The following SYNPR variants were observed in gnomAD, a reference collection of about 807,000 sequenced individuals.
SYNPR encodes synaptoporin.
SYNPR carries 23 observed loss-of-function variants against 32.9 expected under a neutral mutation model. The observed-to-expected ratio is 0.70, with a 90% CI of 0.50 to 0.99. The LOEUF is 0.99. Among genes scored for constraint, SYNPR ranks in the 50% least tolerant of loss-of-function variants. The pLI, the probability that SYNPR is intolerant of heterozygous loss-of-function variation, is 0.00. For missense variants in SYNPR, 318 were observed against 349.3 expected (o/e 0.91, Z 0.71); for synonymous variants, 146 against 135.9 (o/e 1.07, Z -0.52).
intron 4 of SYNPR, among the ~76,000 whole-genome samples, chr3:63,572,546 T>C (rs1367132057): frequency 1.3e-5 from 2 of 152,144 alleles, no homozygotes; most frequent in Admixed American, 6.6e-5. Context: ...TTCCCAAAGC[T>C]CTTGAATTAG....
At chr3:63,258,654 TA>T in intron 2 of SYNPR, among the ~76,000 whole-genome samples, 1 of 151,810 alleles carries the variant, frequency 6.6e-6, no homozygotes, top group Non-Finnish European at 1.5e-5. Flanking sequence ...ACATCACAAT[TA>T]AAAGAACTAG....
intron 4 of SYNPR, among the ~76,000 whole-genome samples, chr3:63,600,870 G>A (rs925504534): frequency 6.6e-6 from 1 of 152,092 alleles, no homozygotes; most frequent in African/African-American, 2.4e-5. Context: ...AGCAACATAA[G>A]AAAGGACTAA....
intron 2 of SYNPR, chr3:63,443,512 A>G: frequency 6.3e-7 from 1 of 1,589,156 alleles, no homozygotes. Context: ...CTGTGGGGAT[A>G]TGTGTGTGCA....
chr3:63,511,722 G>A (rs1197969842), intron 3 of SYNPR, among the ~76,000 whole-genome samples: 1 of 152,100 alleles, frequency 6.6e-6, no homozygotes. Flanking sequence ...GGCCTAAGAA[G>A]AAACTTATAA....
At chr3:63,490,790 T>C (rs1326854871) in intron 3 of SYNPR, among the ~76,000 whole-genome samples, 1 of 151,972 alleles carries the variant, frequency 6.6e-6, no homozygotes, top group African/African-American at 2.4e-5. Flanking sequence ...TGAGATGGAG[T>C]CTCACTCTGT....
intron 1 of SYNPR, among the ~76,000 whole-genome samples, chr3:63,236,014 C>A (rs969454431): frequency 7.9e-5 from 12 of 151,128 alleles, no homozygotes; most frequent in Admixed American, 7.2e-4. Flanking sequence ...ACATGTAACT[C>A]CATGATCCAT....
At chr3:63,408,212 G>T (rs1204787357) in intron 2 of SYNPR, among the ~76,000 whole-genome samples, 3 of 77,764 alleles carry the variant, frequency 3.9e-5, no homozygotes, top group South Asian at 4.8e-4. Flanking sequence ...AAGGAAGGAA[G>T]GAAGGAAGGA....
chr3:63,595,791 ATATATATAGT>A (rs1575729180), intron 4 of SYNPR, among the ~76,000 whole-genome samples: 2 of 56,762 alleles, frequency 3.5e-5, no homozygotes, highest in East Asian at 6.8e-4. Context: ...ATATAGTTAT[ATATATATAGT>A]TATATATATA....
At chr3:63,547,070 A>G (rs943991616) in intron 3 of SYNPR, among the ~76,000 whole-genome samples, 1 of 152,152 alleles carries the variant, frequency 6.6e-6, no homozygotes, top group Admixed American at 6.6e-5. Context: ...AACAAATAGC[A>G]TCACTGGAAT....
chr3:63,505,308 C>A (rs538390999), intron 3 of SYNPR, among the ~76,000 whole-genome samples: 1 of 152,244 alleles, frequency 6.6e-6, no homozygotes, highest in East Asian at 1.9e-4. Flanking sequence ...AACACCTTAC[C>A]GAAGGCCACA....
the SYNPR span, among the ~76,000 whole-genome samples, chr3:63,204,690 T>G: frequency 6.6e-6 from 1 of 152,110 alleles, no homozygotes; most frequent in Admixed American, 6.5e-5. Context: ...AGTGATTTTT[T>G]TTTTCTTTTT....
At chr3:63,278,778 G>A in intron 2 of SYNPR, 36 bp downstream of exon 2, 1 of 1,549,526 alleles carries the variant, frequency 6.5e-7, no homozygotes. Flanking sequence ...GGGGCGCCAG[G>A]CAGCCAGCTA....
intron 2 of SYNPR, among the ~76,000 whole-genome samples, chr3:63,332,167 C>T (rs1342532977): frequency 2.6e-5 from 4 of 152,128 alleles, no homozygotes; most frequent in Non-Finnish European, 5.9e-5. Context: ...TCACATGCTC[C>T]TTTCTGCCTC....
chr3:63,355,375 G>A (rs145387655), intron 2 of SYNPR, among the ~76,000 whole-genome samples: 2 of 151,982 alleles, frequency 1.3e-5, no homozygotes, highest in African/African-American at 4.8e-5. Flanking sequence ...ATCTACTAGA[G>A]GCTACTGAAG....
chr3:63,295,167 T>C (rs2086782193), intron 2 of SYNPR, among the ~76,000 whole-genome samples: 1 of 152,166 alleles, frequency 6.6e-6, no homozygotes, highest in Admixed American at 6.6e-5. Context: ...AGCCTCTGCC[T>C]CACATATTGC....
intron 2 of SYNPR, among the ~76,000 whole-genome samples, chr3:63,313,769 C>A (rs1226478045): frequency 5.5e-5 from 1 of 18,240 alleles, no homozygotes; most frequent in African/African-American, 1.7e-4. Context: ...ATATATATAT[C>A]CATATATATA....
rs1214316826 is a variant in SYNPR, at chr3:63,408,319, G to GGAAAGAAAGAAAGAAA, written c.85-72464_85-72449dup. Among the ~76,000 whole-genome samples, 117 of 16,826 alleles carry GGAAAGAAAGAAAGAAA rather than the reference G, an allele frequency of 7.0e-3. 2 individuals are homozygous for GGAAAGAAAGAAAGAAA. Among genetic ancestry groups the GGAAAGAAAGAAAGAAA allele is most frequent in the South Asian group, 0.012 (5 of 410 alleles). 11.0% of individuals were successfully genotyped at this position (16,826 alleles called of 152,430 possible). A position where few individuals can be genotyped will look rare whatever the true frequency, so the allele number is the denominator to read the frequency against. ...AGGAAGGAAGGAAGGAAGGAAGGAA[G>GGAAAGAAAGAAAGAAA]GAAAGAAAGAAAGAAAGAAAGAAAG... On this transcript the variant is annotated intron_variant, in intron 2 of 5. Coordinates refer to ENST00000478300, the MANE Select transcript of SYNPR (RefSeq NM_001130003.2).
At chr3:63,429,241 T>C (rs1009297958) in intron 2 of SYNPR, among the ~76,000 whole-genome samples, 1 of 152,198 alleles carries the variant, frequency 6.6e-6, no homozygotes, top group African/African-American at 2.4e-5. Context: ...GCTGAAAGGA[T>C]TGTATCAATA....
chr3:63,421,441 A>C (rs1699796587), intron 2 of SYNPR, among the ~76,000 whole-genome samples: 1 of 151,604 alleles, frequency 6.6e-6, no homozygotes, highest in South Asian at 2.1e-4. Flanking sequence ...AAACAAAAAG[A>C]TGGATGAATC....
Sources: allele counts gnomAD v4.1 joint callset (sites outside exome capture counted in the v4.1 genomes callset), GRCh38; gene constraint gnomAD v4.1.1; transcripts MANE v1.5; gene names NCBI Gene and HGNC (gene_info 2026-07-23, HGNC 2026-07-21).